Variants in SEMA4B observed in about 807,000 individuals in gnomAD.
SEMA4B encodes the protein semaphorin-4B.
In SEMA4B, 55 loss-of-function variants were observed where a neutral mutation model predicts 88.1. That is an observed-to-expected ratio of 0.62 (90% CI 0.50 to 0.78). The LOEUF is 0.78. Ranked by LOEUF, SEMA4B falls within the 30% of genes least tolerant of loss-of-function variation. The probability of loss-of-function intolerance (pLI) is 0.00; values close to 1 mark genes in which losing one functional copy is unlikely to be tolerated. For synonymous variants in SEMA4B, 525 were observed against 473.6 expected (o/e 1.11, Z -1.41); for missense variants, 1,062 against 1,111.9 (o/e 0.96, Z 0.64).
chr15:90,204,464 G>A (rs1037287009), intron 1 of SEMA4B, among the ~76,000 whole-genome samples: 4 of 152,270 alleles, frequency 2.6e-5, no homozygotes, highest in Admixed American at 6.5e-5. Flanking sequence ...GCAGGGAGCC[G>A]ATTTGTGGCC....
chr15:90,208,001 C>T (rs1216371170), intron 1 of SEMA4B, among the ~76,000 whole-genome samples: 1 of 152,090 alleles, frequency 6.6e-6, no homozygotes, highest in East Asian at 1.9e-4. Context: ...GCCTATAATC[C>T]CAGCACTTTG....
At chr15:90,186,826 G>A (rs747605238) in intron 1 of SEMA4B, among the ~76,000 whole-genome samples, 7 of 152,010 alleles carry the variant, frequency 4.6e-5, no homozygotes, top group Non-Finnish European at 8.8e-5. Flanking sequence ...CCAGCTACTC[G>A]CGAGGCTGAG....
At chr15:90,205,575 G>C (rs1960947969) in intron 1 of SEMA4B, among the ~76,000 whole-genome samples, 2 of 152,228 alleles carry the variant, frequency 1.3e-5, no homozygotes, top group Non-Finnish European at 2.9e-5. Context: ...TCTTCACAGT[G>C]TTCTGAGAGG....
intron 1 of SEMA4B, among the ~76,000 whole-genome samples, chr15:90,202,708 C>G (rs769975832): frequency 6.6e-6 from 1 of 152,184 alleles, no homozygotes; most frequent in Non-Finnish European, 1.5e-5. Flanking sequence ...TTTATAAGTG[C>G]CCAACAGATG....
chr15:90,203,007 G>C (rs1960818930), intron 1 of SEMA4B, among the ~76,000 whole-genome samples: 1 of 152,180 alleles, frequency 6.6e-6, no homozygotes, highest in African/African-American at 2.4e-5. Context: ...CCTTGAGCAG[G>C]CTACTTAAAG....
At chr15:90,211,746 G>A (rs1242772104) in intron 1 of SEMA4B, among the ~76,000 whole-genome samples, 1 of 152,136 alleles carries the variant, frequency 6.6e-6, no homozygotes, top group Non-Finnish European at 1.5e-5. Context: ...GGCTCTCTGG[G>A]GACTTGTCCC....
rs776021902 is a variant in SEMA4B at position 90,223,908 on chromosome 15, G to A, written c.1114G>A (p.Gly372Ser). 17 of 1,613,736 alleles carry A rather than the reference G, an allele frequency of 1.1e-5. No homozygotes were observed. The highest frequency in any genetic ancestry group is 2.7e-5 in the African/African-American group (2 of 74,912). ...TMKDVQRVFS[G>S]LYKEVNRETQ... The stretch of plus-strand genomic sequence containing the variant: ...GAAGGATGTGCAGAGAGTCTTCAGC[G>A]GCCTCTACAAGGAGGTGAACCGTGA... The change falls in exon 9 of 14, where the codon GGC becomes AGC. Residue 372 changes from glycine to serine, a missense_variant. By Grantham distance (56) the Gly-to-Ser change is moderately conservative (BLOSUM62 0). Transcript: ENST00000411539.
At chr15:90,205,094 C>A (rs569440477) in intron 1 of SEMA4B, among the ~76,000 whole-genome samples, 1 of 152,316 alleles carries the variant, frequency 6.6e-6, no homozygotes, top group Non-Finnish European at 1.5e-5. Flanking sequence ...GTTATTAATT[C>A]CCTCCTGCCC....
At chr15:90,211,784 A>T (rs1199105610) in intron 1 of SEMA4B, among the ~76,000 whole-genome samples, 1 of 152,020 alleles carries the variant, frequency 6.6e-6, no homozygotes, top group Admixed American at 6.5e-5. Flanking sequence ...AGAGTGGGGG[A>T]GGCCACTGGC....
At chr15:90,217,698 T>C (rs1005081445) in intron 2 of SEMA4B, 69 bp from the exon 3 acceptor site, 1 of 1,602,676 alleles carries the variant, frequency 6.2e-7, no homozygotes, top group African/African-American at 1.3e-5. Flanking sequence ...GGATGATGCC[T>C]ATGGGAGAGG....
chr15:90,225,583 G>C, intron 11 of SEMA4B, 78 bp from the exon 12 acceptor site: 2 of 1,494,246 alleles, frequency 1.3e-6, no homozygotes, highest in Non-Finnish European at 1.8e-6. Flanking sequence ...GGCTCTGGGA[G>C]GCATACAAGC....
intron 3 of SEMA4B, 72 bp from the exon 4 acceptor site, chr15:90,219,721 G>GT (rs1567056983): frequency 1.7e-6 from 2 of 1,207,772 alleles, no homozygotes; most frequent in Non-Finnish European, 2.4e-6. Context: ...GGTGTGGAAG[G>GT]GGGGGCTCGG....
In SEMA4B at chr15:90,201,488, GGGGGCGGACCGC is replaced by G. The variant is rs961885713; in HGVS notation, c.-82_-71del. ...GAGGCGGGGGCCCCCGGGGCGACTCGGGGGCGGACCGCGGGGCGGAGCTGCCGCCCGTGAGTC... is the reference window on the plus strand; with the variant it reads ...GAGGCGGGGGCCCCCGGGGCGACTCGGGGGCGGAGCTGCCGCCCGTGAGTC... On this transcript the variant is annotated 5_prime_UTR_variant, in exon 1 of 14. Transcript: ENST00000411539. 84 of 1,311,486 alleles carry G rather than the reference GGGGGCGGACCGC, an allele frequency of 6.4e-5. No homozygotes were observed. In the African/African-American group the frequency reaches 6.8e-4, roughly 11 times the overall value. 81.2% of individuals were successfully genotyped at this position (1,311,486 alleles called of 1,614,324 possible). A position where few individuals can be genotyped will look rare whatever the true frequency, so the allele number is the denominator to read the frequency against.
At chr15:90,201,320 G>A (rs1476238063), upstream of SEMA4B, 3 of 1,179,152 alleles carry the variant, frequency 2.5e-6, no homozygotes, top group African/African-American at 1.6e-5. Flanking sequence ...CTTCAGCCCC[G>A]CCCTCCGCCG....
chr15:90,197,716 C>T (rs1567043937), upstream of SEMA4B, among the ~76,000 whole-genome samples: 3 of 151,806 alleles, frequency 2.0e-5, no homozygotes, highest in Middle Eastern at 3.4e-3. Context: ...GGATTACAGG[C>T]GTGAGCCACC....
In SEMA4B at chr15:90,214,309, C is replaced by G. The variant is rs1474691585; in HGVS notation, c.158-3130C>G. Among the ~76,000 whole-genome samples, 3 of 119,996 alleles carry G rather than the reference C, an allele frequency of 2.5e-5. 1 individual carries two copies. The highest frequency in any genetic ancestry group is 9.6e-5 in the Admixed American group (1 of 10,468). The allele number at this position is 119,996 out of a possible 152,430, so 78.7% of individuals were successfully genotyped here. On this transcript the variant is annotated intron_variant, in intron 1 of 13. Coordinates refer to ENST00000411539, the MANE Select transcript of SEMA4B (RefSeq NM_198925.4). Reference sequence around the variant, plus strand: ...CACCATTGCACTCCAGCCTGGACAACAAGAGAGAAACTCCGTCTCAAAAAA... The same window carrying G: ...CACCATTGCACTCCAGCCTGGACAAGAAGAGAGAAACTCCGTCTCAAAAAA...
chr15:90,214,216 C>T (rs1437024085), intron 1 of SEMA4B, among the ~76,000 whole-genome samples: 4 of 151,628 alleles, frequency 2.6e-5, no homozygotes, highest in Non-Finnish European at 4.4e-5. Flanking sequence ...TGGTGGCAGG[C>T]ACCTGTAATC....
chr15:90,221,775 A>G lies in SEMA4B; in HGVS notation c.861+10A>G. 1 of 1,612,966 alleles carries G rather than the reference A, an allele frequency of 6.2e-7. No individual in the cohort carries two copies. The highest frequency in any genetic ancestry group is 8.5e-7 in the Non-Finnish European group (1 of 1,179,290). On this transcript the variant is annotated intron_variant, in intron 7 of 13. Transcript: ENST00000411539. Reference sequence around the variant, plus strand: ...TGCCCGCATCTGCAAGGTGAGGGGAACGGGCTGACAGGGTGGCCACCCCAG... The same window carrying G: ...TGCCCGCATCTGCAAGGTGAGGGGAGCGGGCTGACAGGGTGGCCACCCCAG...
chr15:90,205,629 G>C (rs913973790), intron 1 of SEMA4B, among the ~76,000 whole-genome samples: 1 of 152,234 alleles, frequency 6.6e-6, no homozygotes, highest in African/African-American at 2.4e-5. Context: ...ATGGTGCCTG[G>C]CACATGCTGC....
Sources: gnomAD v4.1 joint callset for allele counts (sites outside exome capture counted in the v4.1 genomes callset) on GRCh38, gnomAD v4.1.1 for gene constraint, MANE v1.5 for transcripts, NCBI Gene and HGNC (gene_info 2026-07-23, HGNC 2026-07-21) for gene names.